GPR21: variants seen among roughly 807,000 people sequenced by gnomAD.
The protein encoded by GPR21 is G protein-coupled receptor 21, also known as probable G protein-coupled receptor 21.
GPR21 carries 9 observed loss-of-function variants against 21.5 expected under a neutral mutation model. The observed-to-expected ratio is 0.42, with a 90% CI of 0.25 to 0.73. The LOEUF is 0.73. Among genes scored for constraint, GPR21 ranks in the 30% least tolerant of loss-of-function variants. The pLI, the probability that GPR21 is intolerant of heterozygous loss-of-function variation, is 0.27. For missense variants in GPR21, 416 were observed against 428.9 expected (o/e 0.97, Z 0.27); for synonymous variants, 169 against 159.3 (o/e 1.06, Z -0.46).
downstream of GPR21, among the ~76,000 whole-genome samples, chr9:123,037,226 C>T (rs1588311733): frequency 2.0e-5 from 3 of 152,278 alleles, no homozygotes; most frequent in Admixed American, 2.0e-4. Context: ...TTTGGTTTTC[C>T]ATCATGATGC....
chr9:123,047,929 T>TG, the GPR21 span, among the ~76,000 whole-genome samples: 1 of 71,146 alleles, frequency 1.4e-5, no homozygotes, highest in Non-Finnish European at 2.3e-5. Context: ...GTTTTTTTTT[T>TG]TTTTTTTTTT....
At chr9:123,048,635 G>A in the GPR21 span, among the ~76,000 whole-genome samples, 3 of 152,240 alleles carry the variant, frequency 2.0e-5, no homozygotes, top group African/African-American at 4.8e-5. Context: ...GTTCATCACA[G>A]TTATCAGAAA....
At chr9:123,040,207 T>C (rs1332395388), downstream of GPR21, among the ~76,000 whole-genome samples, 1 of 152,230 alleles carries the variant, frequency 6.6e-6, no homozygotes, top group Non-Finnish European at 1.5e-5. Context: ...TCTGGAAGAA[T>C]GTACCAAGGC....
chr9:123,048,653 T>C, the GPR21 span, among the ~76,000 whole-genome samples: 1 of 152,250 alleles, frequency 6.6e-6, no homozygotes, highest in Non-Finnish European at 1.5e-5. Context: ...AAACATTTGT[T>C]TGGAATATGA....
Position 123,035,204 on chromosome 9 carries a change from A to C in GPR21, c.638A>C (p.Asn213Thr), listed in dbSNP as rs2032560508. Reference sequence around the variant, plus strand: ...CTTATTGTCTGCTTCACCTATTTCAACATCTTCCGCATCTGCCAACAGCAC... The same window carrying C: ...CTTATTGTCTGCTTCACCTATTTCACCATCTTCCGCATCTGCCAACAGCAC... The part of the protein sequence containing the change: ...AALIVCFTYF[N>T]IFRICQQHTK... Residue 213 changes from asparagine to threonine, a missense_variant, in exon 2 of 2, where the codon AAC becomes ACC. Coordinates refer to ENST00000616002, the MANE Select transcript of GPR21 (RefSeq NM_005294.3). 1 of 1,614,030 alleles carries C rather than the reference A, an allele frequency of 6.2e-7. No homozygotes were observed. Among genetic ancestry groups the C allele is most frequent in the Non-Finnish European group, 8.5e-7 (1 of 1,179,994 alleles).
rs141895553 is a variant in GPR21 at position 123,035,128 on chromosome 9, G to A, written c.562G>A (p.Asp188Asn). 34 of 1,613,536 alleles carry A rather than the reference G, an allele frequency of 2.1e-5. 1 individual carries two copies. The African/African-American group carries it at 3.1e-4, about 15-fold the overall frequency. Reference protein sequence around the residue: ...FQWCAESWHTDSYFTLFIVMM... With the variant: ...FQWCAESWHTNSYFTLFIVMM... ...GTGGTGTGCGGAGTCCTGGCACACC[G>A]ACTCCTACTTCACCCTGTTCATCGT... Residue 188 changes from aspartate (D) to asparagine (N), a missense_variant, in exon 2 of 2, where the codon GAC (aspartate) becomes AAC (asparagine). By Grantham distance (23) the Asp-to-Asn change is conservative (BLOSUM62 1). Coordinates refer to ENST00000616002, the MANE Select transcript of GPR21 (RefSeq NM_005294.3).
chr9:123,036,612 G>C (rs2032676967), downstream of GPR21, among the ~76,000 whole-genome samples: 1 of 152,156 alleles, frequency 6.6e-6, no homozygotes, highest in African/African-American at 2.4e-5. Flanking sequence ...GTATACCGTA[G>C]TATACAGATT....
chr9:123,039,314 A>G (rs1191434915), downstream of GPR21, among the ~76,000 whole-genome samples: 4 of 152,134 alleles, frequency 2.6e-5, no homozygotes, highest in Non-Finnish European at 4.4e-5. Context: ...CTTGTCATCA[A>G]ACTCTCTGAA....
chr9:123,038,163 T>C (rs1271678473), downstream of GPR21, among the ~76,000 whole-genome samples: 1 of 152,188 alleles, frequency 6.6e-6, no homozygotes, highest in African/African-American at 2.4e-5. Flanking sequence ...ACTAGTGTGC[T>C]CAACTTTAGT....
Position 123,035,459 on chromosome 9 carries a change from T to C in GPR21, c.893T>C (p.Phe298Ser), listed in dbSNP as rs1159505735. Residue 298 changes from phenylalanine (F) to serine (S), a missense_variant, in exon 2 of 2, where the codon TTC becomes TCC. Physicochemically the swap from Phe to Ser is radical, Grantham distance 155. Coordinates refer to ENST00000616002, the MANE Select transcript of GPR21 (RefSeq NM_005294.3). ...LTTWLAISNSFCNCVIYSLSN... is the reference protein window; with the variant it reads ...LTTWLAISNSSCNCVIYSLSN... ...ACCTGGCTTGCTATTAGTAACAGTT[T>C]CTGCAACTGTGTAATTTATAGTCTC... 1 of 1,614,164 alleles carries C rather than the reference T, an allele frequency of 6.2e-7. No individual in the cohort carries two copies. The highest frequency in any genetic ancestry group is 2.2e-5 in the East Asian group (1 of 44,894).
rs1359173497 is a variant in GPR21, at chr9:123,034,544, G to A, written c.-23G>A. 6.7e-7 allele frequency: 1 copy of A among 1,498,326 alleles called. No homozygotes were observed. 92.8% of individuals were successfully genotyped at this position (1,498,326 alleles called of 1,614,324 possible). Reference sequence around the variant, plus strand: ...CAGCAGCCAAGCGGCAGCATGAAGTGACAGATCACTCCTGAGCTCAAGATG... The same window carrying A: ...CAGCAGCCAAGCGGCAGCATGAAGTAACAGATCACTCCTGAGCTCAAGATG... On this transcript the variant is annotated 5_prime_UTR_variant, in exon 2 of 2. It removes the in-frame stop codon of an upstream open reading frame in the 5' UTR. Coordinates refer to ENST00000616002, the MANE Select transcript of GPR21 (RefSeq NM_005294.3).
rs1381613555 is a variant in GPR21, at chr9:123,034,635, A to G, written c.69A>G (p.Glu23=). Reference sequence around the variant, plus strand: ...GCCTCTTGGCATTTGGCTATTTGGAAACTGTCAATTTTTGCCTTTTGGAAG... The same window carrying G: ...GCCTCTTGGCATTTGGCTATTTGGAGACTGTCAATTTTTGCCTTTTGGAAG... ...PFCLLAFGYL[E]TVNFCLLEVL... The change falls in exon 2 of 2, where the codon GAA becomes GAG. Residue 23 remains glutamate (E), a synonymous_variant. Coordinates refer to ENST00000616002, the MANE Select transcript of GPR21 (RefSeq NM_005294.3). 1 of 1,613,942 alleles carries G rather than the reference A, an allele frequency of 6.2e-7. No individual in the cohort carries two copies. Among genetic ancestry groups the G allele is most frequent in the Non-Finnish European group, 8.5e-7 (1 of 1,179,838 alleles).
chr9:123,042,319 CTT>C, the GPR21 span, among the ~76,000 whole-genome samples: 2 of 152,296 alleles, frequency 1.3e-5, no homozygotes, highest in Admixed American at 6.5e-5. Flanking sequence ...TATTGCTTCA[CTT>C]TTAATATTAA....
At position 123,035,326 on chromosome 9, in the gene GPR21, C is replaced by T. The variant is rs187451558; in HGVS notation, c.760C>T (p.Leu254=). The T allele has an allele frequency of 4.8e-5, 78 of 1,614,154 alleles. No homozygotes were observed. The East Asian group carries it at 1.2e-3, about 24-fold the overall frequency. ...TCCTGATAAGCGCTATGCCATGGTC[C>T]TGTTTCGAATCACTAGTGTATTTTA... ...ACPDKRYAMV[L]FRITSVFYIL... The change falls in exon 2 of 2, where the codon CTG becomes TTG. Residue 254 remains leucine, a synonymous_variant. Coordinates refer to ENST00000616002, the MANE Select transcript of GPR21 (RefSeq NM_005294.3).
rs2032435634 is a variant in GPR21 at position 123,033,671 on chromosome 9, T to C, written c.-468T>C. ...CTGCAGTACGCGGGTTGAAGCACAT[T>C]CCTGCTTTGCAAGGCTTTCTGCTAA... On this transcript the variant is annotated 5_prime_UTR_variant, in exon 1 of 2. Coordinates refer to ENST00000616002, the MANE Select transcript of GPR21 (RefSeq NM_005294.3). 1 of 152,206 alleles carries C rather than the reference T, an allele frequency of 6.6e-6. No individual in the cohort carries two copies. The highest frequency in any genetic ancestry group is 1.5e-5 in the Non-Finnish European group (1 of 68,054). 9.4% of individuals were successfully genotyped at this position (152,206 alleles called of 1,614,324 possible). A position where few individuals can be genotyped will look rare whatever the true frequency, so the allele number is the denominator to read the frequency against.
In GPR21 at chr9:123,034,551, C is replaced by T; in HGVS notation, c.-16C>T. 6.5e-7 allele frequency: 1 copy of T among 1,536,620 alleles called. No homozygotes were observed. Among genetic ancestry groups the T allele is most frequent in the South Asian group, 1.2e-5 (1 of 81,792 alleles). ...CAAGCGGCAGCATGAAGTGACAGAT[C>T]ACTCCTGAGCTCAAGATGAACTCCA... On this transcript the variant is annotated 5_prime_UTR_variant, in exon 2 of 2. Coordinates refer to ENST00000616002, the MANE Select transcript of GPR21 (RefSeq NM_005294.3).
chr9:123,046,727 G>A, the GPR21 span, among the ~76,000 whole-genome samples: 3 of 152,172 alleles, frequency 2.0e-5, no homozygotes, highest in Admixed American at 2.0e-4. Context: ...GTTTTAAGTT[G>A]AGATATAAGG....
At chr9:123,045,984 A>G in the GPR21 span, among the ~76,000 whole-genome samples, 4 of 152,174 alleles carry the variant, frequency 2.6e-5, no homozygotes, top group Non-Finnish European at 4.4e-5. Context: ...AGGTCCTGCA[A>G]ATTGGCACAT....
chr9:123,039,596 CAA>C (rs902099375), downstream of GPR21, among the ~76,000 whole-genome samples: 1 of 152,072 alleles, frequency 6.6e-6, no homozygotes, highest in African/African-American at 2.4e-5. Context: ...TTTTTGGTAT[CAA>C]GAGATTAATG....
Sources: gnomAD v4.1 joint callset for allele counts (sites outside exome capture counted in the v4.1 genomes callset) on GRCh38, gnomAD v4.1.1 for gene constraint, MANE v1.5 for transcripts, NCBI Gene and HGNC (gene_info 2026-07-23, HGNC 2026-07-21) for gene names.